XIRP2: variants seen among roughly 807,000 people sequenced by gnomAD.
XIRP2 encodes the protein xin actin-binding repeat-containing protein 2.
Under a neutral mutation model 277.0 loss-of-function variants are expected in XIRP2, and 236 were observed. The ratio of observed to expected loss-of-function variants is 0.85; its 90% confidence interval spans 0.77 to 0.95. The LOEUF is 0.95. XIRP2 is among the 40% of genes least tolerant of loss of function. The pLI is 0.00. For synonymous variants in XIRP2, 1,490 were observed against 1,416.5 expected, an observed-to-expected ratio of 1.05 and a Z score of -1.17; for missense variants, 4,640 against 4,157.5, an observed-to-expected ratio of 1.12 and a Z score of -3.19.
chr2:167,058,788 CA>C (rs1312462865), intron 2 of XIRP2, among the ~76,000 whole-genome samples: 1 of 152,114 alleles, frequency 6.6e-6, no homozygotes, highest in Admixed American at 6.6e-5. Context: ...CGTCTGGAAT[CA>C]AGGTGAGAAA....
chr2:167,086,132 G>A (rs369825897), intron 2 of XIRP2, among the ~76,000 whole-genome samples: 3,318 of 152,060 alleles, frequency 0.022, 51 homozygotes, highest in East Asian at 0.051. Flanking sequence ...TTTTAGGGCT[G>A]GCCTGGTGGT....
intron 2 of XIRP2, among the ~76,000 whole-genome samples, chr2:167,067,095 T>C (rs900388454): frequency 6.6e-6 from 1 of 152,044 alleles, no homozygotes; most frequent in Non-Finnish European, 1.5e-5. Flanking sequence ...ATTTAGATAT[T>C]TTTAGCCATT....
chr2:166,997,405 A>G (rs1392129748), intron 2 of XIRP2, among the ~76,000 whole-genome samples: 1 of 152,200 alleles, frequency 6.6e-6, no homozygotes, highest in Non-Finnish European at 1.5e-5. Context: ...CTACACAAAA[A>G]AATGTTTAAA....
At chr2:166,967,243 G>A (rs183499289) in intron 2 of XIRP2, among the ~76,000 whole-genome samples, 2 of 151,952 alleles carry the variant, frequency 1.3e-5, no homozygotes, top group Admixed American at 1.3e-4. Flanking sequence ...GAAGAAGATA[G>A]ACTCACTGTT....
At chr2:166,935,055 G>T (rs987856675) in intron 2 of XIRP2, among the ~76,000 whole-genome samples, 2 of 151,772 alleles carry the variant, frequency 1.3e-5, no homozygotes, top group African/African-American at 4.8e-5. Flanking sequence ...CACAATGTGT[G>T]TGTAGATGCT....
At chr2:167,109,493 C>A (rs1690696435) in intron 2 of XIRP2, among the ~76,000 whole-genome samples, 1 of 152,166 alleles carries the variant, frequency 6.6e-6, no homozygotes, top group South Asian at 2.1e-4. Context: ...GTTGGCCAAG[C>A]TGGTCTTGAA....
intron 2 of XIRP2, among the ~76,000 whole-genome samples, chr2:167,096,125 G>T (rs1690310530): frequency 6.6e-6 from 1 of 151,782 alleles, no homozygotes; most frequent in Non-Finnish European, 1.5e-5. Context: ...AAGGAATGGT[G>T]CCAGCTCCTC....
intron 3 of XIRP2, among the ~76,000 whole-genome samples, chr2:167,148,802 G>A (rs16853050): frequency 0.34 from 51,137 of 151,920 alleles, 11,111 homozygotes; most frequent in African/African-American, 0.62. Flanking sequence ...CGTAACAATA[G>A]AAATAAAGAA....
chr2:166,940,696 T>C (rs1685681504), intron 2 of XIRP2, among the ~76,000 whole-genome samples: 1 of 152,148 alleles, frequency 6.6e-6, no homozygotes, highest in South Asian at 2.1e-4. Flanking sequence ...TCTGTTGGAG[T>C]TTGCTGGAGG....
At chr2:166,896,228 T>C (rs1181451875) in intron 1 of XIRP2, among the ~76,000 whole-genome samples, 4 of 152,174 alleles carry the variant, frequency 2.6e-5, no homozygotes, top group Admixed American at 1.3e-4. Context: ...TTTTAGAGCA[T>C]ACTTTTTCTA....
intron 2 of XIRP2, among the ~76,000 whole-genome samples, chr2:167,094,776 C>T (rs534852873): frequency 6.6e-6 from 1 of 152,204 alleles, no homozygotes; most frequent in South Asian, 2.1e-4. Context: ...ATTCTTTTTG[C>T]TTAGGATTGT....
At chr2:167,087,594 A>T (rs767960520) in intron 2 of XIRP2, among the ~76,000 whole-genome samples, 1 of 146,524 alleles carries the variant, frequency 6.8e-6, no homozygotes, top group African/African-American at 2.5e-5. Context: ...AATCAGCGAG[A>T]CTCCATGGGC....
intron 2 of XIRP2, among the ~76,000 whole-genome samples, chr2:166,907,876 G>A (rs1196655153): frequency 6.7e-6 from 1 of 149,330 alleles, no homozygotes. Flanking sequence ...TTGGTTTTTT[G>A]TCTTTGCGTT....
intron 3 of XIRP2, among the ~76,000 whole-genome samples, chr2:167,156,487 G>A (rs76075937): frequency 0.1 from 15,134 of 147,950 alleles, 812 homozygotes; most frequent in South Asian, 0.16. Flanking sequence ...TCTGTAAGAT[G>A]TATCTATAAT....
intron 2 of XIRP2, among the ~76,000 whole-genome samples, chr2:167,014,484 G>A (rs947445871): frequency 2.0e-5 from 3 of 151,644 alleles, no homozygotes; most frequent in Non-Finnish European, 4.4e-5. Context: ...TGAAATGATT[G>A]TGTTTTAAAA....
intron 2 of XIRP2, among the ~76,000 whole-genome samples, chr2:167,005,199 G>T (rs1687476023): frequency 6.6e-6 from 1 of 151,800 alleles, no homozygotes; most frequent in Non-Finnish European, 1.5e-5. Flanking sequence ...ACATAATAAG[G>T]AAGTGAATCA....
intron 5 of XIRP2, 35 bp from the exon 6 acceptor site, chr2:167,239,820 C>A: frequency 2.6e-6 from 4 of 1,546,510 alleles, no homozygotes; most frequent in Non-Finnish European, 3.5e-6. Flanking sequence ...TTTTACTTTT[C>A]TTAAGGCATT....
rs1365850663 is a variant in XIRP2, at chr2:167,013,262, C to T, written c.408+109372C>T. Among the ~76,000 whole-genome samples, 3 of 151,282 alleles carry T rather than the reference C, an allele frequency of 2.0e-5. No homozygotes were observed. In the South Asian group the frequency reaches 6.3e-4, roughly 32 times the overall value. On this transcript the variant is annotated intron_variant, in intron 2 of 10. Coordinates refer to ENST00000409195, the MANE Select transcript of XIRP2 (RefSeq NM_152381.6). ...ATGCTCCTTGATGTTCTTCCCCATG[C>T]TGTTTCTTTCTGAATATATTACAAT...
rs367878534 is a variant in XIRP2 at position 166,910,947 on chromosome 2, C to T, written c.408+7057C>T. Among the ~76,000 whole-genome samples the T allele has an allele frequency of 3.9e-3, 595 of 152,186 alleles. 2 individuals carry two copies. The highest frequency in any genetic ancestry group is 0.012 in the African/African-American group (493 of 41,528). On this transcript the variant is annotated intron_variant, in intron 2 of 10. Coordinates refer to ENST00000409195, the MANE Select transcript of XIRP2 (RefSeq NM_152381.6). ...TTTGAGTGAGTTTCTTAATCCTGAG[C>T]TCTAGTTTGATTGCACTGTGGTCTG... is the stretch of plus-strand genomic sequence containing the variant.
Sources: gnomAD v4.1 joint callset for allele counts (sites outside exome capture counted in the v4.1 genomes callset) on GRCh38, gnomAD v4.1.1 for gene constraint, MANE v1.5 for transcripts, NCBI Gene and HGNC (gene_info 2026-07-23, HGNC 2026-07-21) for gene names.